The following SOX6 variants were observed in gnomAD, a reference collection of about 807,000 sequenced individuals.
The protein encoded by SOX6 is transcription factor SOX-6.
SOX6 carries 11 observed loss-of-function variants against 97.8 expected under a neutral mutation model. The ratio of observed to expected loss-of-function variants is 0.11; its 90% CI spans 0.07 to 0.19. The LOEUF (loss-of-function observed/expected upper bound fraction) is 0.19. SOX6 is among the 10% of genes least tolerant of loss of function. The pLI, the probability that SOX6 is intolerant of heterozygous loss-of-function variation, is 1.00. For missense variants in SOX6, 810 were observed against 1,039.5 expected (o/e 0.78, Z 3.04); for synonymous variants, 360 against 371.4 (o/e 0.97, Z 0.35).
intron 6 of SOX6, among the ~76,000 whole-genome samples, chr11:16,132,319 G>A (rs370762182): frequency 1.1e-5 from 1 of 92,908 alleles, no homozygotes; most frequent in South Asian, 3.8e-4. Context: ...AGGAAGGAAG[G>A]AAGGAAGGAA....
At chr11:16,408,299 A>G (rs1858726586) in intron 1 of SOX6, among the ~76,000 whole-genome samples, 1 of 134,272 alleles carries the variant, frequency 7.4e-6, no homozygotes, top group Non-Finnish European at 1.7e-5. Context: ...TTGCTTTGAC[A>G]GAGAGGCAAA....
At chr11:16,377,093 C>T (rs1463808576) in intron 1 of SOX6, among the ~76,000 whole-genome samples, 1 of 151,094 alleles carries the variant, frequency 6.6e-6, no homozygotes, top group Non-Finnish European at 1.5e-5. Flanking sequence ...TGTTTCCCAA[C>T]AAGGAGGATT....
At chr11:16,242,182 G>A (rs1319372205) in intron 3 of SOX6, among the ~76,000 whole-genome samples, 2 of 151,958 alleles carry the variant, frequency 1.3e-5, no homozygotes, top group East Asian at 3.9e-4. Context: ...CACATACAAT[G>A]GTAGTCTTGC....
chr11:16,500,395 T>G (rs1206108167), intron 4 of SOX6, among the ~76,000 whole-genome samples: 1 of 152,146 alleles, frequency 6.6e-6, no homozygotes, highest in African/African-American at 2.4e-5. Flanking sequence ...CTTCGAAAAC[T>G]GGCACAAGAC....
intron 4 of SOX6, among the ~76,000 whole-genome samples, chr11:16,555,418 T>C (rs929752176): frequency 1.3e-5 from 2 of 151,612 alleles, no homozygotes; most frequent in Non-Finnish European, 3.0e-5. Flanking sequence ...TTATCATTAT[T>C]ATTACATATA....
At chr11:16,056,700 T>C (rs1438756169) in intron 9 of SOX6, among the ~76,000 whole-genome samples, 1 of 152,210 alleles carries the variant, frequency 6.6e-6, no homozygotes, top group East Asian at 1.9e-4. Context: ...TATAGTTCTC[T>C]TTGGCAAACC....
At chr11:16,078,235 C>T (rs569315414) in intron 9 of SOX6, among the ~76,000 whole-genome samples, 3 of 152,088 alleles carry the variant, frequency 2.0e-5, no homozygotes, top group African/African-American at 7.2e-5. Context: ...AGTGGTACGG[C>T]TTATATTTGT....
intron 4 of SOX6, among the ~76,000 whole-genome samples, chr11:16,508,226 C>T (rs1189829445): frequency 6.6e-6 from 1 of 151,968 alleles, no homozygotes; most frequent in East Asian, 1.9e-4. Flanking sequence ...ATGGCTACTA[C>T]TAAAAAGACA....
chr11:16,320,034 A>G (rs1855869431), intron 2 of SOX6, among the ~76,000 whole-genome samples: 1 of 152,148 alleles, frequency 6.6e-6, no homozygotes, highest in South Asian at 2.1e-4. Flanking sequence ...GTGGAAAACA[A>G]ACACCTAAAA....
chr11:16,228,537 A>G (rs1368740307), intron 4 of SOX6, among the ~76,000 whole-genome samples: 1 of 152,254 alleles, frequency 6.6e-6, no homozygotes, highest in South Asian at 2.1e-4. Context: ...GATGTAGGTC[A>G]AAGGGTACAA....
chr11:16,680,857 A>G (rs1396892338), intron 3 of SOX6, among the ~76,000 whole-genome samples: 1 of 150,022 alleles, frequency 6.7e-6, no homozygotes, highest in African/African-American at 2.5e-5. Context: ...CAAAAGAGAC[A>G]AAGAAGGCCA....
chr11:16,335,507 G>A (rs1362068990), intron 2 of SOX6, among the ~76,000 whole-genome samples: 1 of 152,134 alleles, frequency 6.6e-6, no homozygotes, highest in African/African-American at 2.4e-5. Context: ...CTAAAGTACA[G>A]TCTCAATAAA....
In SOX6 at chr11:16,605,561, G is replaced by A. The variant is rs1848324915; in HGVS notation, n.609+6520C>T. ...AAAGTTGCGGCGGAGCGGCGGTGGG[G>A]TGAGGGTGGGAGGAGGGAGCGCAAG... On this transcript the variant is annotated intron_variant and non_coding_transcript_variant, in intron 4 of 5. Transcript: ENST00000524520. The surrounding 1 kb of genome is among the most constrained non-coding windows in gnomAD (Gnocchi z 5.3). 6.6e-6 allele frequency among the ~76,000 whole-genome samples: 1 copy of A among 152,158 alleles called. No individual in the cohort carries two copies. Among genetic ancestry groups the A allele is most frequent in the Non-Finnish European group, 1.5e-5 (1 of 68,026 alleles).
In SOX6 at chr11:16,329,969, C is replaced by T. The variant is rs571451855; in HGVS notation, c.237+11043G>A. Among the ~76,000 whole-genome samples, 316 of 152,274 alleles carry T rather than the reference C, an allele frequency of 2.1e-3. 2 individuals carry two copies. Among genetic ancestry groups the T allele is most frequent in the African/African-American group, 7.4e-3 (307 of 41,562 alleles). On this transcript the variant is annotated intron_variant, in intron 2 of 15. Transcript: ENST00000683767. ...CACAGCTATTACAGTACCTTTCTATCCTCTCTTCATCTAGGGAAAATATCC... is the reference window on the plus strand; with the variant it reads ...CACAGCTATTACAGTACCTTTCTATTCTCTCTTCATCTAGGGAAAATATCC...
intron 4 of SOX6, among the ~76,000 whole-genome samples, chr11:16,572,026 T>C (rs901589294): frequency 6.6e-6 from 1 of 152,220 alleles, no homozygotes; most frequent in Non-Finnish European, 1.5e-5. Flanking sequence ...GAAAATTATT[T>C]TGAAACATAA....
chr11:16,121,429 A>C (rs1849486661), intron 6 of SOX6, among the ~76,000 whole-genome samples: 1 of 152,026 alleles, frequency 6.6e-6, no homozygotes, highest in Non-Finnish European at 1.5e-5. Context: ...TTTAGTGAGA[A>C]CCTATCACTC....
chr11:15,975,321 G>GT (rs1272667606), intron 15 of SOX6, among the ~76,000 whole-genome samples: 3 of 152,086 alleles, frequency 2.0e-5, no homozygotes, highest in Non-Finnish European at 4.4e-5. Context: ...TGCCTCATTG[G>GT]TTTTTTTACT....
chr11:16,230,289 C>A (rs1242204530), intron 4 of SOX6, among the ~76,000 whole-genome samples: 2 of 135,624 alleles, frequency 1.5e-5, no homozygotes, highest in Non-Finnish European at 3.2e-5. Flanking sequence ...TAATATTATT[C>A]TTGGCATTCA....
chr11:16,159,311 C>T (rs2134067580), intron 6 of SOX6, among the ~76,000 whole-genome samples: 1 of 152,172 alleles, frequency 6.6e-6, no homozygotes, highest in East Asian at 1.9e-4. Flanking sequence ...TTTGAGGATT[C>T]AAGACTTTAG....
Sources: allele counts gnomAD v4.1 joint callset (sites outside exome capture counted in the v4.1 genomes callset), GRCh38; gene constraint gnomAD v4.1.1; non-coding constraint Gnocchi (gnomAD v3.1); transcripts MANE v1.5; gene names NCBI Gene and HGNC (gene_info 2026-07-23, HGNC 2026-07-21).